The following SLC22A25 variants were observed in gnomAD, a reference collection of about 807,000 sequenced individuals.
The protein encoded by SLC22A25 is solute carrier family 22 member 25, also known as MGI:2442751, MGI:2385316, MGI:3042283, MGI:3645714, MGI:3605624, MGI:2442750.
In SLC22A25, 44 loss-of-function variants were observed where a neutral mutation model predicts 45.9. That is an observed-to-expected ratio of 0.96 (90% CI 0.75 to 1.23). SLC22A25 has a LOEUF of 1.23. Ranked by LOEUF, SLC22A25 falls within the 50% of genes most tolerant of loss-of-function variation. SLC22A25 has a pLI of 0.00. For missense variants in SLC22A25, 800 were observed against 666.4 expected, an observed-to-expected ratio of 1.20 and a Z score of -2.21; for synonymous variants, 283 against 238.6, an observed-to-expected ratio of 1.19 and a Z score of -1.72.
chr11:63,173,379 T>A (rs570370873), intron 9 of SLC22A25, among the ~76,000 whole-genome samples: 2 of 152,276 alleles, frequency 1.3e-5, no homozygotes, highest in African/African-American at 4.8e-5. Flanking sequence ...GAACTTAAAG[T>A]ATAATTTTAA....
In SLC22A25 at chr11:63,180,719, AAG is replaced by A. The variant is rs780220711; in HGVS notation, c.1009_1010del (p.Cys338Ter). The A allele has an allele frequency of 3.1e-6, 5 of 1,613,292 alleles. No individual in the cohort carries two copies. In the East Asian group the frequency reaches 1.1e-4, roughly 36 times the overall value. ...TGTTGGGTATGCGGAGCAATTCACA[AAG>A]AGAATGCTTTTTCTGTGCTGCCTCC... ...ELEAAQKKHSLCELLRIPNIC... is the reference protein window; with the variant it reads ...ELEAAQKKHSXCELLRIPNIC... On this transcript the variant is annotated frameshift_variant, in exon 9 of 12. Coordinates refer to ENST00000306494, the MANE Select transcript of SLC22A25 (RefSeq NM_199352.6). LOFTEE classifies it high-confidence loss of function.
At chr11:63,242,402 A>G (rs1422019367) in intron 1 of SLC22A25, among the ~76,000 whole-genome samples, 1 of 152,188 alleles carries the variant, frequency 6.6e-6, no homozygotes, top group Non-Finnish European at 1.5e-5. Flanking sequence ...GGATTTCAGA[A>G]CTGCTATACA....
rs139830501 is a variant in SLC22A25, at chr11:63,203,827, G to C, written c.830+13487C>G. Among the ~76,000 whole-genome samples, 1,094 of 152,178 alleles carry C rather than the reference G, an allele frequency of 7.2e-3. 9 individuals are homozygous for C. Among genetic ancestry groups the C allele is most frequent in the African/African-American group, 0.024 (1,004 of 41,502 alleles). ...AGAGAACACCACAAAGATACTCCTC[G>C]AGAAGAGCAACCCCAAGACAGATAA... On this transcript the variant is annotated intron_variant, in intron 7 of 11. Transcript: ENST00000306494.
chr11:63,218,130 A>T, intron 5 of SLC22A25: 1 of 459,624 alleles, frequency 2.2e-6, no homozygotes. Flanking sequence ...AATAACCTCA[A>T]TGCCCACCAA....
intron 7 of SLC22A25, among the ~76,000 whole-genome samples, chr11:63,216,777 A>G (rs1361967375): frequency 2.6e-5 from 4 of 152,180 alleles, no homozygotes; most frequent in Non-Finnish European, 4.4e-5. Context: ...AAGTTTGCCT[A>G]TGTAACAAGC....
chr11:63,234,069 T>A (rs1488849679), intron 3 of SLC22A25, among the ~76,000 whole-genome samples: 1 of 152,190 alleles, frequency 6.6e-6, no homozygotes, highest in Non-Finnish European at 1.5e-5. Flanking sequence ...TGTGGTCAAC[T>A]TTTGGAATAG....
Position 63,228,537 on chromosome 11 carries a change from G to T in SLC22A25, c.430C>A (p.Leu144Met), listed in dbSNP as rs367756538. The change falls in exon 5 of 12, where the codon CTG (leucine) becomes ATG (methionine). Residue 144 changes from leucine to methionine, a missense_variant. Physicochemically the swap from Leu to Met is conservative, Grantham distance 15. Coordinates refer to ENST00000306494, the MANE Select transcript of SLC22A25 (RefSeq NM_199352.6). ...KWDLVCESQP[L>M]NSVAKFLFMA... ...AATAGAAATTTAGCTACTGAATTCA[G>T]TGGTTGAGATTCGCATACCAGATCC... 1.1e-5 allele frequency: 18 copies of T among 1,613,582 alleles called. No homozygotes were observed. The highest frequency in any genetic ancestry group is 4.5e-5 in the East Asian group (2 of 44,862).
At position 63,161,058 on chromosome 11, in the gene SLC22A25, G is replaced by A. The variant is rs1590760654; in HGVS notation, c.*2766C>T. Among the ~76,000 whole-genome samples, 1 of 152,246 alleles carries A rather than the reference G, an allele frequency of 6.6e-6. No individual in the cohort carries two copies. Among genetic ancestry groups the A allele is most frequent in the Non-Finnish European group, 1.5e-5 (1 of 68,012 alleles). On this transcript the variant is annotated 3_prime_UTR_variant, in exon 12 of 12. Transcript: ENST00000306494. ...GACTGGATAATTTATAAAGAAAAAA[G>A]GTTTAATGGACTCACAGCTCCATGT...
chr11:63,171,023 AAATAT>A (rs1397999442), intron 9 of SLC22A25, among the ~76,000 whole-genome samples: 1 of 152,200 alleles, frequency 6.6e-6, no homozygotes, highest in Non-Finnish European at 1.5e-5. Context: ...AAAAATCAAT[AAATAT>A]AATCCATCAC....
At chr11:63,218,488 C>T (rs907401041) in intron 5 of SLC22A25, among the ~76,000 whole-genome samples, 9 of 152,082 alleles carry the variant, frequency 5.9e-5, no homozygotes, top group Admixed American at 1.3e-4. Context: ...CACATGCACA[C>T]CTTGAATCTA....
intron 1 of SLC22A25, among the ~76,000 whole-genome samples, chr11:63,240,128 A>G (rs2090224413): frequency 6.6e-6 from 1 of 152,194 alleles, no homozygotes; most frequent in African/African-American, 2.4e-5. Flanking sequence ...ACTGTAGGCA[A>G]TTATAATACA....
chr11:63,242,241 G>A (rs1338234743), intron 1 of SLC22A25, among the ~76,000 whole-genome samples: 2 of 152,118 alleles, frequency 1.3e-5, no homozygotes, highest in Admixed American at 1.3e-4. Flanking sequence ...ACCACACACC[G>A]AAAACCACAT....
At position 63,182,525 on chromosome 11, in the gene SLC22A25, C is replaced by T. The variant is rs771490043; in HGVS notation, c.954+1169G>A. ...TATATTCTTTATATATATTTAGATA[C>T]AGTCTAGAAATGACATTCAGTTCCA... On this transcript the variant is annotated intron_variant, in intron 8 of 11. Coordinates refer to ENST00000306494, the MANE Select transcript of SLC22A25 (RefSeq NM_199352.6). Among the ~76,000 whole-genome samples, 84 of 151,430 alleles carry T rather than the reference C, an allele frequency of 5.5e-4. 1 individual carries two copies. The highest frequency in any genetic ancestry group is 1.1e-3 in the Admixed American group (17 of 15,172).
At chr11:63,231,203 C>T (rs968067010) in intron 3 of SLC22A25, among the ~76,000 whole-genome samples, 1 of 152,178 alleles carries the variant, frequency 6.6e-6, no homozygotes, top group Non-Finnish European at 1.5e-5. Flanking sequence ...ATTTCTAGTT[C>T]TGGATCCTTG....
At position 63,166,121 on chromosome 11, in the gene SLC22A25, A is replaced by G. The variant is rs192244013; in HGVS notation, c.1208T>C (p.Met403Thr). The G allele has an allele frequency of 7.4e-6, 12 of 1,614,062 alleles. No individual in the cohort carries two copies. In the Admixed American group the frequency reaches 1.7e-4, roughly 22 times the overall value. Residue 403 changes from methionine (M) to threonine (T), a missense_variant, in exon 10 of 12, where the codon ATG becomes ACG. Coordinates refer to ENST00000306494, the MANE Select transcript of SLC22A25 (RefSeq NM_199352.6). ...AAGCATCTGGCTTAGTCGACGGCTC[A>G]TGTGATTCAGTGCCCAAGGTGCAAC... ...NCVAPWALNH[M>T]SRRLSQMLLM...
At chr11:63,215,064 C>T (rs2089674767) in intron 7 of SLC22A25, among the ~76,000 whole-genome samples, 1 of 152,116 alleles carries the variant, frequency 6.6e-6, no homozygotes, top group African/African-American at 2.4e-5. Context: ...ACATTTGACC[C>T]AGCAATCCCA....
chr11:63,228,127 A>G (rs1014779982), intron 5 of SLC22A25, among the ~76,000 whole-genome samples: 1 of 152,198 alleles, frequency 6.6e-6, no homozygotes, highest in Non-Finnish European at 1.5e-5. Flanking sequence ...TTTTGTGTAG[A>G]TAGTTTTCAA....
intron 9 of SLC22A25, among the ~76,000 whole-genome samples, chr11:63,176,444 T>G (rs1176480531): frequency 1.3e-5 from 2 of 152,030 alleles, no homozygotes; most frequent in African/African-American, 2.4e-5. Flanking sequence ...AGTTTATTCC[T>G]AAGTATTTTC....
chr11:63,187,206 C>A (rs1281390183), intron 7 of SLC22A25, among the ~76,000 whole-genome samples: 4 of 152,076 alleles, frequency 2.6e-5, no homozygotes, highest in Non-Finnish European at 4.4e-5. Context: ...TTGTTTTTAT[C>A]CTGTTTTATT....
Sources: gnomAD v4.1 joint callset for allele counts (sites outside exome capture counted in the v4.1 genomes callset) on GRCh38, gnomAD v4.1.1 for gene constraint, MANE v1.5 for transcripts, NCBI Gene and HGNC (gene_info 2026-07-23, HGNC 2026-07-21) for gene names.